Variants in KRT6B observed in about 807,000 individuals in gnomAD.
KRT6B encodes the protein keratin, type II cytoskeletal 6B.
In KRT6B, 29 loss-of-function variants were observed where a neutral mutation model predicts 44.7. That is an observed-to-expected ratio of 0.65 (90% CI 0.48 to 0.88). The LOEUF is 0.88. Ranked by LOEUF, KRT6B falls within the 40% of genes least tolerant of loss-of-function variation. KRT6B has a pLI of 0.00. For synonymous variants in KRT6B, 213 were observed against 296.0 expected, an observed-to-expected ratio of 0.72 and a Z score of 2.88; for missense variants, 600 against 724.0, an observed-to-expected ratio of 0.83 and a Z score of 1.97.
chr12:52,450,672 T>C (rs1408484605), intron 1 of KRT6B, 52 bp from the exon 2 acceptor site: 10 of 1,613,716 alleles, frequency 6.2e-6, no homozygotes, highest in Admixed American at 3.3e-5. Context: ...GCAGAGAAAG[T>C]GTCTGGTATC....
chr12:52,449,745 T>C lies in KRT6B; in HGVS notation c.912+13A>G. The C allele has an allele frequency of 1.2e-6, 2 of 1,614,062 alleles. No individual in the cohort carries two copies. The highest frequency in any genetic ancestry group is 1.1e-5 in the South Asian group (1 of 91,078). On this transcript the variant is annotated intron_variant, in intron 4 of 8. Transcript: ENST00000252252. ...CCCATCAGAGTAAACAGAAGGATGG[T>C]GGAGTTGCTTACTGCATCATACAAG...
chr12:52,450,525 C>T lies in KRT6B; in HGVS notation c.636G>A (p.Pro212=), dbSNP rs143150216. Residue 212 remains proline, a synonymous_variant, in exon 2 of 9, where the codon CCG becomes CCA. Transcript: ENST00000252252. ...GTKTVRQNLE[P]LFEQYINNLR... ...GGTTGTTGATGTACTGCTCGAACAA[C>T]GGCTCCAGGTTCTGCCTCACAGTCT... The T allele has an allele frequency of 1.3e-4, 211 of 1,614,210 alleles. No individual in the cohort carries two copies. The highest frequency in any genetic ancestry group is 3.8e-4 in the Admixed American group (23 of 60,034).
rs368362440 is a variant in KRT6B at position 52,448,888 on chromosome 12, C to A, written c.1157G>T (p.Arg386Leu). ...NTKQEIAEIN[R>L]MIQRLRSEID... ...CTCAGATCTCAGCCTCTGGATCATG[C>A]GGTTGATCTCAGCAATCTCCTGCTT... Residue 386 changes from arginine (R) to leucine (L), a missense_variant, in exon 6 of 9, where the codon CGC becomes CTC. Physicochemically the swap from Arg to Leu is moderately radical, Grantham distance 102. Coordinates refer to ENST00000252252, the MANE Select transcript of KRT6B (RefSeq NM_005555.4). 4 of 1,614,012 alleles carry A rather than the reference C, an allele frequency of 2.5e-6. No individual in the cohort carries two copies. Among genetic ancestry groups the A allele is most frequent in the Admixed American group, 1.7e-5 (1 of 59,990 alleles).
Position 52,450,639 on chromosome 12 carries a change from G to A in KRT6B, c.541-19C>T. On this transcript the variant is annotated intron_variant, in intron 1 of 8. Coordinates refer to ENST00000252252, the MANE Select transcript of KRT6B (RefSeq NM_005555.4). ...ACCGCACCTGGAGGGGAAGCAAAATGGTCATTTTCCAGGAAAAGGAAGGCA... is the reference window on the plus strand; with the variant it reads ...ACCGCACCTGGAGGGGAAGCAAAATAGTCATTTTCCAGGAAAAGGAAGGCA... 1 of 1,614,054 alleles carries A rather than the reference G, an allele frequency of 6.2e-7. No individual in the cohort carries two copies. The highest frequency in any genetic ancestry group is 8.5e-7 in the Non-Finnish European group (1 of 1,179,936).
chr12:52,449,422 A>T, intron 5 of KRT6B, 47 bp downstream of exon 5: 1 of 1,613,884 alleles, frequency 6.2e-7, no homozygotes, highest in Non-Finnish European at 8.5e-7. Context: ...TCTGGTATTC[A>T]GGGATGGACA....
chr12:52,451,402 G>A lies in KRT6B; in HGVS notation c.540+137C>T, dbSNP rs80104213. The A allele has an allele frequency of 0.019, 28,508 of 1,506,374 alleles. No homozygotes were observed. In the East Asian group the frequency reaches 0.39, roughly 21 times the overall value. 93.3% of individuals were successfully genotyped at this position (1,506,374 alleles called of 1,614,324 possible). ...CCATCTGTGCTGCCTCCTGTGCACC[G>A]AGAGCCACCTGCACTCTCTGCAGAG... On this transcript the variant is annotated intron_variant, in intron 1 of 8. Coordinates refer to ENST00000252252, the MANE Select transcript of KRT6B (RefSeq NM_005555.4).
At chr12:52,450,746 T>A (rs1940390836) in intron 1 of KRT6B, 126 bp from the exon 2 acceptor site, 1 of 1,442,062 alleles carries the variant, frequency 6.9e-7, no homozygotes, top group South Asian at 1.2e-5. Flanking sequence ...GTAGAGAGGC[T>A]CAGGCTGAGC....
In KRT6B at chr12:52,447,123, T is replaced by G; in HGVS notation, c.*67A>C. 1 of 1,599,336 alleles carries G rather than the reference T, an allele frequency of 6.3e-7. No homozygotes were observed. Among genetic ancestry groups the G allele is most frequent in the Admixed American group, 1.7e-5 (1 of 59,454 alleles). On this transcript the variant is annotated 3_prime_UTR_variant, in exon 9 of 9. Coordinates refer to ENST00000252252, the MANE Select transcript of KRT6B (RefSeq NM_005555.4). ...GGAGGCCAGGGGAGGACAAGCAACC[T>G]GAGGAGAGGGCTCTGCTGCCAGAGA... is the stretch of plus-strand genomic sequence containing the variant.
chr12:52,448,760 T>C (rs1945566791), intron 6 of KRT6B, 82 bp downstream of exon 6: 1 of 1,611,108 alleles, frequency 6.2e-7, no homozygotes, highest in African/African-American at 1.3e-5. Context: ...TCCCAAAGAA[T>C]TTTACTAAAT....
rs1446034357 is a variant in KRT6B, at chr12:52,451,711, C to T, written c.368G>A (p.Gly123Glu). 6 of 1,613,394 alleles carry T rather than the reference C, an allele frequency of 3.7e-6. No individual in the cohort carries two copies. The highest frequency in any genetic ancestry group is 3.3e-5 in the Admixed American group (2 of 60,006). Residue 123 changes from glycine (G) to glutamate (E), a missense_variant, in exon 1 of 9, where the codon GGG becomes GAG. By Grantham distance (98) the Gly-to-Glu change is moderately conservative. Coordinates refer to ENST00000252252, the MANE Select transcript of KRT6B (RefSeq NM_005555.4). ...GGGAGLAGGF[G>E]GPGFPVCPPG... ...GGGGCACACAGGGAAGCCAGGGCCC[C>T]CAAAGCCACCAGCAAGGCCGGCTCC...
Position 52,447,315 on chromosome 12 carries a change from C to T in KRT6B, c.1570G>A (p.Gly524Arg). 1 of 1,614,070 alleles carries T rather than the reference C, an allele frequency of 6.2e-7. No individual in the cohort carries two copies. The highest frequency in any genetic ancestry group is 8.5e-7 in the Non-Finnish European group (1 of 1,179,898). The change falls in exon 9 of 9, where the codon GGA (glycine) becomes AGA (arginine). Residue 524 changes from glycine (G) to arginine (R), a missense_variant. Physicochemically the swap from Gly to Arg is moderately radical, Grantham distance 125. This residue lies in a region of KRT6B where 479 missense variants were observed against 454.2 expected (regional missense o/e 1.05). Transcript: ENST00000252252. The part of the protein sequence containing the change: ...SYSYGSGLGV[G>R]GGFSSSSGRA... ...CCGCTGCTGGAACTAAAGCCGCCTC[C>T]AACGCCAAGACCACTGCCATAGGAG... is the stretch of plus-strand genomic sequence containing the variant.
Position 52,451,091 on chromosome 12 carries a change from T to C in KRT6B, c.540+448A>G, listed in dbSNP as rs540485672. ...TCTGTTTTTAAAATTAATTAGCATTTATCCATGTTTTACAGTTGTTTCTAT... is the reference window on the plus strand; with the variant it reads ...TCTGTTTTTAAAATTAATTAGCATTCATCCATGTTTTACAGTTGTTTCTAT... On this transcript the variant is annotated intron_variant, in intron 1 of 8. Coordinates refer to ENST00000252252, the MANE Select transcript of KRT6B (RefSeq NM_005555.4). Among the ~76,000 whole-genome samples the C allele has an allele frequency of 5.4e-3, 816 of 151,960 alleles. 5 individuals carry two copies. The highest frequency in any genetic ancestry group is 0.019 in the African/African-American group (773 of 41,292).
chr12:52,446,835 G>C lies in KRT6B; in HGVS notation c.*355C>G. The C allele has an allele frequency of 1.7e-5, 6 of 347,466 alleles. No individual in the cohort carries two copies. The highest frequency in any genetic ancestry group is 3.2e-5 in the Non-Finnish European group (6 of 186,634). 21.5% of individuals were successfully genotyped at this position (347,466 alleles called of 1,614,324 possible). A position where few individuals can be genotyped will look rare whatever the true frequency, so the allele number is the denominator to read the frequency against. On this transcript the variant is annotated 3_prime_UTR_variant, in exon 9 of 9. Coordinates refer to ENST00000252252, the MANE Select transcript of KRT6B (RefSeq NM_005555.4). ...TGAGTGTAGCTATAATGGGCAGGAT[G>C]GTTAGCAATTAAAGAGAGGACTCCT...
In KRT6B at chr12:52,447,986, G is replaced by A. The variant is rs757008227; in HGVS notation, c.1216C>T (p.Gln406Ter). The A allele has an allele frequency of 6.2e-7, 1 of 1,614,182 alleles. No homozygotes were observed. Among genetic ancestry groups the A allele is most frequent in the Admixed American group, 1.7e-5 (1 of 60,020 alleles). The change falls in exon 7 of 9, where the codon CAG becomes TAG. Residue 406 changes from glutamine to a stop codon, truncating the protein, a stop_gained. Coordinates refer to ENST00000252252, the MANE Select transcript of KRT6B (RefSeq NM_005555.4). LOFTEE classifies it high-confidence loss of function. ...TGCTCAGCATCAGCAATGGCGGCCT[G>A]TAGGTTGGCACACTAGGAGGGCAAA... ...DHVKKQCANL[Q>*]AAIADAEQRG...
chr12:52,450,901 C>T (rs1192730284), intron 1 of KRT6B, among the ~76,000 whole-genome samples: 1 of 152,220 alleles, frequency 6.6e-6, no homozygotes, highest in African/African-American at 2.4e-5. Flanking sequence ...CAAGCACAAT[C>T]ACAAATCTAG....
At position 52,449,630 on chromosome 12, in the gene KRT6B, G is replaced by T. The variant is rs536802368; in HGVS notation, c.916C>A (p.Leu306Met). The T allele has an allele frequency of 2.3e-5, 37 of 1,614,228 alleles. No individual in the cohort carries two copies. The South Asian group carries it at 3.4e-4, about 15-fold the overall frequency. The part of the protein sequence containing the change: ...NFLRALYDAE[L>M]SQMQTHISDT... ...GAGATGTGGGTCTGCATCTGGGACAGCTCCTGCAGAACAGAAGGTCATAAG... is the reference window on the plus strand; with the variant it reads ...GAGATGTGGGTCTGCATCTGGGACATCTCCTGCAGAACAGAAGGTCATAAG... Residue 306 changes from leucine to methionine, a missense_variant, in exon 5 of 9, where the codon CTG becomes ATG. Transcript: ENST00000252252.
At position 52,447,024 on chromosome 12, in the gene KRT6B, A is replaced by G. The variant is rs1940320839; in HGVS notation, c.*166T>C. 2 of 768,254 alleles carry G rather than the reference A, an allele frequency of 2.6e-6. No individual in the cohort carries two copies. The highest frequency in any genetic ancestry group is 5.8e-5 in the Admixed American group (2 of 34,670). The allele number at this position is 768,254 out of a possible 1,614,324, so 47.6% of individuals were successfully genotyped here. A position where few individuals can be genotyped will look rare whatever the true frequency, so the allele number is the denominator to read the frequency against. On this transcript the variant is annotated 3_prime_UTR_variant, in exon 9 of 9. Coordinates refer to ENST00000252252, the MANE Select transcript of KRT6B (RefSeq NM_005555.4). ...TGTTGACTTGATGGTAAGCAACAGG[A>G]GCTCAGTGGAACAGGTATTGATGAG...
intron 6 of KRT6B, among the ~76,000 whole-genome samples, chr12:52,448,462 C>A (rs1042302594): frequency 3.9e-5 from 6 of 152,180 alleles, no homozygotes; most frequent in African/African-American, 7.2e-5. Context: ...GCCCTGGTTT[C>A]ACTTGCTTTT....
chr12:52,447,712 T>C (rs1940335279), intron 7 of KRT6B, 66 bp downstream of exon 7: 2 of 1,613,932 alleles, frequency 1.2e-6, no homozygotes, highest in Non-Finnish European at 1.7e-6. Flanking sequence ...CACCTTAAAG[T>C]TGTGCTCAGT....
Sources: allele counts gnomAD v4.1 joint callset (sites outside exome capture counted in the v4.1 genomes callset), GRCh38; gene constraint gnomAD v4.1.1; regional missense constraint gnomAD v4.1.1; transcripts MANE v1.5; gene names NCBI Gene and HGNC (gene_info 2026-07-23, HGNC 2026-07-21).